VPS37A: variants seen among roughly 807,000 people sequenced by gnomAD.
VPS37A encodes the protein VPS37A subunit of ESCRT-I.
Under a neutral mutation model 49.8 loss-of-function variants are expected in VPS37A, and 30 were observed. The observed-to-expected ratio is 0.60, with a 90% confidence interval of 0.45 to 0.82. VPS37A has a LOEUF of 0.82. Ranked by LOEUF, VPS37A falls within the 40% of genes least tolerant of loss-of-function variation. VPS37A has a pLI of 0.00. For missense variants in VPS37A, 593 were observed against 464.4 expected (o/e 1.28, Z -2.55); for synonymous variants, 195 against 160.6 (o/e 1.21, Z -1.62).
chr8:17,313,357 G>T, the VPS37A span: 1 of 1,612,696 alleles, frequency 6.2e-7, no homozygotes, highest in African/African-American at 1.3e-5. Context: ...GAGTTCTCCA[G>T]ACCCCACAGG....
the VPS37A span, among the ~76,000 whole-genome samples, chr8:17,322,950 C>CT: frequency 0.29 from 36,842 of 125,506 alleles, 5,975 homozygotes; most frequent in South Asian, 0.49. Flanking sequence ...ATTGAATTAT[C>CT]TTTTTTTTTT....
intron 11 of VPS37A, among the ~76,000 whole-genome samples, chr8:17,292,803 A>G (rs1816272019): frequency 6.6e-6 from 1 of 152,238 alleles, no homozygotes; most frequent in South Asian, 2.1e-4. Context: ...TCTGGCTTAT[A>G]GGGTTTCTGC....
chr8:17,270,179 C>T (rs1393802158), intron 4 of VPS37A, among the ~76,000 whole-genome samples: 1 of 152,050 alleles, frequency 6.6e-6, no homozygotes, highest in African/African-American at 2.4e-5. Flanking sequence ...CCAGCAGGCC[C>T]CACCTCCAAC....
chr8:17,314,780 G>C, the VPS37A span, among the ~76,000 whole-genome samples: 1 of 152,210 alleles, frequency 6.6e-6, no homozygotes, highest in South Asian at 2.1e-4. Flanking sequence ...CCCTGAGCTA[G>C]AAGCACAGCT....
chr8:17,293,402 A>AC (rs1230200333), intron 11 of VPS37A, among the ~76,000 whole-genome samples: 2 of 152,062 alleles, frequency 1.3e-5, no homozygotes, highest in African/African-American at 4.8e-5. Context: ...TTGAGTTAGA[A>AC]CATGCTCCTT....
At chr8:17,260,338 A>T (rs901415234) in intron 1 of VPS37A, among the ~76,000 whole-genome samples, 1 of 152,200 alleles carries the variant, frequency 6.6e-6, no homozygotes, top group African/African-American at 2.4e-5. Flanking sequence ...AAAAATATTT[A>T]TGCCTTAATT....
chr8:17,319,813 G>T, the VPS37A span, among the ~76,000 whole-genome samples: 2 of 151,840 alleles, frequency 1.3e-5, no homozygotes, highest in African/African-American at 2.4e-5. Flanking sequence ...CCTCAGGTTG[G>T]TTTTTTTTCA....
intron 1 of VPS37A, among the ~76,000 whole-genome samples, chr8:17,260,016 T>G (rs1193051715): frequency 6.6e-6 from 1 of 152,148 alleles, no homozygotes; most frequent in Non-Finnish European, 1.5e-5. Flanking sequence ...TGTTGCTTTA[T>G]CCATTCAGCC....
At chr8:17,306,636 T>G (rs1043768549), downstream of VPS37A, among the ~76,000 whole-genome samples, 2 of 152,184 alleles carry the variant, frequency 1.3e-5, no homozygotes, top group African/African-American at 4.8e-5. Flanking sequence ...CAAAAGGATG[T>G]TTTGGTGTCA....
chr8:17,265,289 A>G (rs1039158630), intron 1 of VPS37A, among the ~76,000 whole-genome samples: 6 of 152,174 alleles, frequency 3.9e-5, no homozygotes, highest in African/African-American at 1.4e-4. Context: ...TTTTCCTACA[A>G]TTTCTCCCTA....
At chr8:17,250,292 T>C (rs1430076605) in intron 1 of VPS37A, among the ~76,000 whole-genome samples, 1 of 152,182 alleles carries the variant, frequency 6.6e-6, no homozygotes, top group East Asian at 1.9e-4. Context: ...TATTGTTTTC[T>C]GAGCCCCAAT....
At chr8:17,268,129 T>C (rs953944789) in intron 2 of VPS37A, 129 bp from the exon 3 acceptor site, 3 of 601,292 alleles carry the variant, frequency 5.0e-6, no homozygotes, top group South Asian at 4.8e-5. Context: ...AGAGCACTTA[T>C]TACTAAATGA....
intron 6 of VPS37A, among the ~76,000 whole-genome samples, chr8:17,279,565 TATTCTC>T (rs1814840149): frequency 6.6e-6 from 1 of 152,134 alleles, no homozygotes; most frequent in Admixed American, 6.6e-5. Context: ...AAATAAGTGA[TATTCTC>T]AAGCAATTAA....
the VPS37A span, among the ~76,000 whole-genome samples, chr8:17,312,183 A>C: frequency 6.6e-6 from 1 of 152,246 alleles, no homozygotes; most frequent in African/African-American, 2.4e-5. Context: ...ATCATTTTTT[A>C]CTAAATATCT....
chr8:17,329,906 G>A, the VPS37A span, among the ~76,000 whole-genome samples: 2 of 152,182 alleles, frequency 1.3e-5, no homozygotes, highest in East Asian at 1.9e-4. Context: ...ATTATGTACA[G>A]AAGATGGAAA....
chr8:17,249,864 A>T (rs892634420), intron 1 of VPS37A, among the ~76,000 whole-genome samples: 1 of 152,228 alleles, frequency 6.6e-6, no homozygotes, highest in African/African-American at 2.4e-5. Context: ...ACCGAAGGAA[A>T]ACTGTCTGTA....
chr8:17,302,005 C>T (rs1817149138), downstream of VPS37A: 2 of 1,025,124 alleles, frequency 2.0e-6, no homozygotes, highest in African/African-American at 1.6e-5. Flanking sequence ...TTATCTGAGT[C>T]CTGACCTGGA....
the VPS37A span, among the ~76,000 whole-genome samples, chr8:17,330,302 C>G: frequency 6.6e-6 from 1 of 152,214 alleles, no homozygotes; most frequent in East Asian, 1.9e-4. Context: ...AGCCCACTTC[C>G]CGGGCTCCCA....
Position 17,295,042 on chromosome 8 carries a change from G to C in VPS37A, c.*56G>C, listed in dbSNP as rs1400239291. 6.6e-6 allele frequency: 1 copy of C among 152,630 alleles called. No individual in the cohort carries two copies. The highest frequency in any genetic ancestry group is 1.5e-5 in the Non-Finnish European group (1 of 68,042). The allele number at this position is 152,630 out of a possible 1,614,324, so 9.5% of individuals were successfully genotyped here. On this transcript the variant is annotated 3_prime_UTR_variant, in exon 12 of 12. Coordinates refer to ENST00000324849, the MANE Select transcript of VPS37A (RefSeq NM_152415.3). ...GGAATGGGACACAAAACCAAACACT[G>C]TTTTATATTTATGGTTTGCAAACTG...
Sources: gnomAD v4.1 joint callset for allele counts (sites outside exome capture counted in the v4.1 genomes callset) on GRCh38, gnomAD v4.1.1 for gene constraint, MANE v1.5 for transcripts, NCBI Gene and HGNC (gene_info 2026-07-23, HGNC 2026-07-21) for gene names.